The following PTPRT variants were observed in gnomAD, a reference collection of about 807,000 sequenced individuals.
The protein encoded by PTPRT is receptor-type tyrosine-protein phosphatase T.
Under a neutral mutation model 176.8 loss-of-function variants are expected in PTPRT, and 56 were observed. The ratio of observed to expected loss-of-function variants is 0.32; its 90% CI spans 0.26 to 0.40. PTPRT has a LOEUF of 0.40. Among genes scored for constraint, PTPRT ranks in the 10% least tolerant of loss-of-function variants. The pLI is 1.00. For missense variants in PTPRT, 1,540 were observed against 1,908.2 expected (o/e 0.81, Z 3.60); for synonymous variants, 783 against 739.0 (o/e 1.06, Z -0.96).
chr20:42,453,942 A>T (rs762971669), intron 8 of PTPRT, among the ~76,000 whole-genome samples: 13 of 151,266 alleles, frequency 8.6e-5, no homozygotes, highest in Admixed American at 1.3e-4. Context: ...CAGGTGATAC[A>T]CCTGTGTTGG....
In PTPRT at chr20:42,189,126, G is replaced by GTA. The variant is rs1288818869; in HGVS notation, c.2491+10113_2491+10114insTA. Among the ~76,000 whole-genome samples, 250 of 152,186 alleles carry GTA rather than the reference G, an allele frequency of 1.6e-3. 3 individuals carry two copies. The highest frequency in any genetic ancestry group is 6.8e-3 in the Middle Eastern group (2 of 294). On this transcript the variant is annotated intron_variant, in intron 16 of 30. Transcript: ENST00000373187. ...AGGCTCCAGCTACCATTCCAGCTTC[G>GTA]TCTCTGGCCATACATTCTTGACACA...
rs538097513 is a variant in PTPRT at position 42,329,885 on chromosome 20, G to T, written c.1866-13889C>A. ...TGAATTACCTTAGTATTGTGATAAG[G>T]ATCAAAGATAGGAATATGAAAATAC... On this transcript the variant is annotated intron_variant, in intron 11 of 30. Transcript: ENST00000373187. 5.3e-5 allele frequency among the ~76,000 whole-genome samples: 8 copies of T among 152,118 alleles called. No homozygotes were observed. The East Asian group carries it at 1.5e-3, about 29-fold the overall frequency.
chr20:43,152,283 T>C (rs553782999), intron 1 of PTPRT, among the ~76,000 whole-genome samples: 1 of 152,336 alleles, frequency 6.6e-6, no homozygotes, highest in Admixed American at 6.5e-5. Flanking sequence ...CAAACAGATA[T>C]CATTTTTGCT....
At chr20:42,295,834 GT>G (rs1180426685) in intron 12 of PTPRT, among the ~76,000 whole-genome samples, 1 of 152,118 alleles carries the variant, frequency 6.6e-6, no homozygotes, top group African/African-American at 2.4e-5. Flanking sequence ...TGCTATTCTT[GT>G]CATAGTGAGT....
At chr20:42,239,484 G>A (rs543062793) in intron 14 of PTPRT, among the ~76,000 whole-genome samples, 2 of 139,880 alleles carry the variant, frequency 1.4e-5, no homozygotes, top group Non-Finnish European at 3.0e-5. Context: ...GCAGTGGCGC[G>A]TGATCTCGGC....
chr20:42,035,864 T>C, the PTPRT span, among the ~76,000 whole-genome samples: 3 of 152,214 alleles, frequency 2.0e-5, no homozygotes, highest in African/African-American at 7.2e-5. Flanking sequence ...CAGCTCATCA[T>C]AGCACTGAAT....
chr20:42,979,317 T>C (rs1251582575), intron 1 of PTPRT, among the ~76,000 whole-genome samples: 3 of 152,216 alleles, frequency 2.0e-5, no homozygotes, highest in Non-Finnish European at 4.4e-5. Flanking sequence ...GCTGTAAATA[T>C]TTCCCTCAAG....
At chr20:42,608,938 A>C (rs2073928513) in intron 7 of PTPRT, among the ~76,000 whole-genome samples, 1 of 152,086 alleles carries the variant, frequency 6.6e-6, no homozygotes, top group African/African-American at 2.4e-5. Flanking sequence ...AAGAGTGTCA[A>C]AGATTTGGGG....
chr20:42,097,219 G>T (rs531816908), intron 27 of PTPRT, among the ~76,000 whole-genome samples: 1 of 152,274 alleles, frequency 6.6e-6, no homozygotes, highest in South Asian at 2.1e-4. Context: ...TCCTTAGCCT[G>T]GCACAGGGAC....
chr20:42,194,222 C>T (rs888471984), intron 16 of PTPRT, among the ~76,000 whole-genome samples: 7 of 152,166 alleles, frequency 4.6e-5, no homozygotes, highest in African/African-American at 9.7e-5. Context: ...CTCCCCAGAC[C>T]GTGCCACATG....
rs553402408 is a variant in PTPRT, at chr20:42,204,855, G to C, written c.2343-5467C>G. Among the ~76,000 whole-genome samples the C allele has an allele frequency of 6.6e-5, 10 of 152,162 alleles. No homozygotes were observed. The East Asian group carries it at 1.9e-3, about 29-fold the overall frequency. Reference sequence around the variant, plus strand: ...AGGAGGAGTGCGTGAAACATCCAGGGACATTTCTCACGGAGAGGGAATACA... The same window carrying C: ...AGGAGGAGTGCGTGAAACATCCAGGCACATTTCTCACGGAGAGGGAATACA... On this transcript the variant is annotated intron_variant, in intron 15 of 30. Transcript: ENST00000373187.
At chr20:42,772,791 A>G (rs549453894) in intron 4 of PTPRT, among the ~76,000 whole-genome samples, 2 of 152,360 alleles carry the variant, frequency 1.3e-5, no homozygotes, top group South Asian at 2.1e-4. Context: ...AGAGAGACAA[A>G]TAGTAACAAT....
intron 1 of PTPRT, among the ~76,000 whole-genome samples, chr20:43,079,201 CCTCT>C (rs1209622985): frequency 7.4e-6 from 1 of 135,958 alleles, no homozygotes; most frequent in Non-Finnish European, 1.6e-5. Context: ...CCCCTCTCTC[CCTCT>C]CTATTTCTCT....
At chr20:42,885,688 C>G (rs1173917629) in intron 2 of PTPRT, 119 bp downstream of exon 2, 42 of 1,342,078 alleles carry the variant, frequency 3.1e-5, no homozygotes, top group South Asian at 1.1e-4. Flanking sequence ...AACTCACTAC[C>G]TACAGAGCTA....
At position 43,158,196 on chromosome 20, in the gene PTPRT, T is replaced by C. The variant is rs145995597; in HGVS notation, c.88+31450A>G. ...ACATTGGACTTGCTGATGGATTCGA[T>C]GTTGGTATGGGACATAGAGAGGAAT... is the stretch of plus-strand genomic sequence containing the variant. On this transcript the variant is annotated intron_variant, in intron 1 of 30. Transcript: ENST00000373187. Among the ~76,000 whole-genome samples the C allele has an allele frequency of 4.2e-4, 64 of 152,152 alleles. No individual in the cohort carries two copies. The East Asian group carries it at 9.1e-3, about 22-fold the overall frequency.
At chr20:42,175,646 A>G (rs977271953) in intron 16 of PTPRT, among the ~76,000 whole-genome samples, 2 of 151,150 alleles carry the variant, frequency 1.3e-5, no homozygotes, top group African/African-American at 4.8e-5. Flanking sequence ...AAAACCTAAG[A>G]TTTCTGTGTT....
intron 13 of PTPRT, among the ~76,000 whole-genome samples, chr20:42,281,371 G>A (rs2057136438): frequency 6.6e-6 from 1 of 152,134 alleles, no homozygotes; most frequent in Non-Finnish European, 1.5e-5. Flanking sequence ...GGGAGCCCTA[G>A]TGCTTCCGTT....
chr20:42,501,779 C>G (rs939740307), intron 7 of PTPRT, among the ~76,000 whole-genome samples: 1 of 152,158 alleles, frequency 6.6e-6, no homozygotes, highest in Non-Finnish European at 1.5e-5. Context: ...TATACCCCCA[C>G]TTCTCTAGCT....
At chr20:43,100,619 GTC>G (rs2012358889) in intron 1 of PTPRT, among the ~76,000 whole-genome samples, 1 of 152,184 alleles carries the variant, frequency 6.6e-6, no homozygotes, top group African/African-American at 2.4e-5. Context: ...ATCACAAAAT[GTC>G]TCTTTCATTT....
Sources: gnomAD v4.1 joint callset for allele counts (sites outside exome capture counted in the v4.1 genomes callset) on GRCh38, gnomAD v4.1.1 for gene constraint, MANE v1.5 for transcripts, NCBI Gene and HGNC (gene_info 2026-07-23, HGNC 2026-07-21) for gene names.